The following NREP variants were observed in gnomAD, a reference collection of about 807,000 sequenced individuals.
NREP encodes neuronal regeneration related protein, also known as neuronal regeneration-related protein.
Under a neutral mutation model 8.6 loss-of-function variants are expected in NREP, and 5 were observed. The observed-to-expected ratio is 0.58, with a 90% confidence interval of 0.30 to 1.22. The LOEUF (loss-of-function observed/expected upper bound fraction) is 1.22. Ranked by LOEUF, NREP falls within the 50% of genes most tolerant of loss-of-function variation. NREP has a pLI of 0.07. For synonymous variants in NREP, 27 were observed against 28.0 expected, an observed-to-expected ratio of 0.96 and a Z score of 0.11; for missense variants, 86 against 82.5, an observed-to-expected ratio of 1.04 and a Z score of -0.17.
At chr5:111,823,147 G>A (rs1009634563) in intron 2 of NREP, among the ~76,000 whole-genome samples, 1 of 152,314 alleles carries the variant, frequency 6.6e-6, no homozygotes, top group Admixed American at 6.5e-5. Context: ...AAGAGTGAGA[G>A]GGTAGGGGTC....
At chr5:111,863,622 C>A (rs1307370064) in intron 2 of NREP, among the ~76,000 whole-genome samples, 2 of 151,466 alleles carry the variant, frequency 1.3e-5, no homozygotes, top group African/African-American at 4.9e-5. Flanking sequence ...AAATGGCGGC[C>A]AGAGAAAAAA....
At chr5:111,896,104 G>A (rs1267856693) in intron 2 of NREP, among the ~76,000 whole-genome samples, 1 of 152,134 alleles carries the variant, frequency 6.6e-6, no homozygotes, top group Non-Finnish European at 1.5e-5. Flanking sequence ...CTGTTAAACA[G>A]AATAGATTTC....
At chr5:111,976,415 C>T (rs1756965059) in intron 1 of NREP, among the ~76,000 whole-genome samples, 1 of 152,184 alleles carries the variant, frequency 6.6e-6, no homozygotes, top group African/African-American at 2.4e-5. Flanking sequence ...ACCATGTACC[C>T]CAAAAGCTGA....
chr5:111,937,098 T>A (rs1039095435), intron 2 of NREP, among the ~76,000 whole-genome samples: 2 of 152,122 alleles, frequency 1.3e-5, no homozygotes, highest in Middle Eastern at 3.2e-3. Flanking sequence ...GAACAGCACC[T>A]TTCACCTTCA....
At chr5:111,973,785 C>T (rs1441013025) in intron 2 of NREP, among the ~76,000 whole-genome samples, 1 of 152,154 alleles carries the variant, frequency 6.6e-6, no homozygotes, top group African/African-American at 2.4e-5. Context: ...AATCAAAGCA[C>T]TACATTTTGA....
chr5:111,920,837 T>C (rs554763147), intron 2 of NREP, among the ~76,000 whole-genome samples: 2 of 152,268 alleles, frequency 1.3e-5, no homozygotes, highest in Admixed American at 6.5e-5. Context: ...GCTCTTCTAA[T>C]TGGTACTGCT....
At chr5:111,758,573 T>G (rs564648068), upstream of NREP, among the ~76,000 whole-genome samples, 1 of 152,306 alleles carries the variant, frequency 6.6e-6, no homozygotes, top group South Asian at 2.1e-4. Context: ...TATTTCCTAA[T>G]TAAATTGCCT....
At position 111,872,713 on chromosome 5, in the gene NREP, T is replaced by C. The variant is rs958099261; in HGVS notation, c.135+102561A>G. On this transcript the variant is annotated intron_variant, in intron 2 of 3. Coordinates refer to the NREP transcript ENST00000395634. ...TTCTAATTTATAGGTTTACAAACTG[T>C]GTTGGCCCTGCATACTGGTAACTGC... Among the ~76,000 whole-genome samples the C allele has an allele frequency of 3.9e-5, 6 of 152,316 alleles. 1 individual carries two copies. In the South Asian group the frequency reaches 1.2e-3, roughly 32 times the overall value.
intron 2 of NREP, among the ~76,000 whole-genome samples, chr5:111,820,130 C>CT (rs11372070): frequency 0.66 from 99,883 of 151,934 alleles, 33,300 homozygotes; most frequent in Non-Finnish European, 0.7. Flanking sequence ...GAATCTCCCA[C>CT]TTTGACATCT....
chr5:111,837,484 C>G (rs1348280410), intron 2 of NREP, among the ~76,000 whole-genome samples: 1 of 151,838 alleles, frequency 6.6e-6, no homozygotes, highest in Non-Finnish European at 1.5e-5. Context: ...AAAGAGAAAA[C>G]AAGAAAAAAG....
In NREP at chr5:111,779,608, G is replaced by A. The variant is rs564279510; in HGVS notation, c.136-44101C>T. On this transcript the variant is annotated intron_variant, in intron 2 of 3. Transcript: ENST00000395634. ...GGGGTAAGGGCAGTAGTGAGGACATGACTGTGGAGAAACAAGTGGGAATTT... is the reference window on the plus strand; with the variant it reads ...GGGGTAAGGGCAGTAGTGAGGACATAACTGTGGAGAAACAAGTGGGAATTT... Among the ~76,000 whole-genome samples the A allele has an allele frequency of 5.1e-4, 78 of 152,326 alleles. 1 individual carries two copies. The highest frequency in any genetic ancestry group is 1.8e-3 in the African/African-American group (74 of 41,582).
At chr5:111,866,613 A>G (rs1188878157) in intron 2 of NREP, among the ~76,000 whole-genome samples, 1 of 152,100 alleles carries the variant, frequency 6.6e-6, no homozygotes, top group East Asian at 1.9e-4. Context: ...TAGAACTAGA[A>G]ATACCGTTTG....
At chr5:111,795,673 T>G (rs1479334450) in intron 2 of NREP, among the ~76,000 whole-genome samples, 1 of 152,370 alleles carries the variant, frequency 6.6e-6, no homozygotes, top group Admixed American at 6.5e-5. Flanking sequence ...AACCTATTCA[T>G]GTATAATTAC....
intron 2 of NREP, among the ~76,000 whole-genome samples, chr5:111,946,427 T>C (rs1050812531): frequency 6.6e-6 from 1 of 152,064 alleles, no homozygotes; most frequent in Non-Finnish European, 1.5e-5. Context: ...TCATGTTAAA[T>C]ATTGTTTGAT....
chr5:111,801,856 G>C (rs564517738), intron 2 of NREP, among the ~76,000 whole-genome samples: 1 of 152,244 alleles, frequency 6.6e-6, no homozygotes, highest in African/African-American at 2.4e-5. Flanking sequence ...CAGATCATGG[G>C]AAAGGAGGAA....
intron 2 of NREP, among the ~76,000 whole-genome samples, chr5:111,931,389 T>C (rs886214411): frequency 3.3e-5 from 5 of 152,114 alleles, no homozygotes; most frequent in African/African-American, 1.2e-4. Flanking sequence ...TGTCATGTCA[T>C]GAGGACACCC....
chr5:111,849,436 T>C (rs2112958977), intron 2 of NREP, among the ~76,000 whole-genome samples: 1 of 152,280 alleles, frequency 6.6e-6, no homozygotes, highest in Middle Eastern at 3.4e-3. Context: ...ATCTTAGCTA[T>C]GTTTAAAGTT....
rs536434189 is a variant in NREP, at chr5:111,887,748, C to T, written c.135+87526G>A. ...AAACTCGAACTTTAAAAAGTGCTGA[C>T]GTGTCCATGGGCATTGCTGTTGAGA... On this transcript the variant is annotated intron_variant, in intron 2 of 3. Transcript: ENST00000395634. Among the ~76,000 whole-genome samples the T allele has an allele frequency of 1.8e-4, 27 of 152,248 alleles. No individual in the cohort carries two copies. The South Asian group carries it at 5.0e-3, about 28-fold the overall frequency.
chr5:111,920,831 T>C lies in NREP; in HGVS notation c.135+54443A>G, dbSNP rs568934714. ...GGATGTGCCTGGTTCAAGGTAGCTCTTCTAATTGGTACTGCTGAAAGCAGT... is the reference window on the plus strand; with the variant it reads ...GGATGTGCCTGGTTCAAGGTAGCTCCTCTAATTGGTACTGCTGAAAGCAGT... On this transcript the variant is annotated intron_variant, in intron 2 of 3. Transcript: ENST00000395634. Among the ~76,000 whole-genome samples, 111 of 152,282 alleles carry C rather than the reference T, an allele frequency of 7.3e-4. 1 individual carries two copies. The highest frequency in any genetic ancestry group is 2.1e-4 in the Non-Finnish European group (14 of 68,014).
Sources: gnomAD v4.1 joint callset for allele counts (sites outside exome capture counted in the v4.1 genomes callset) on GRCh38, gnomAD v4.1.1 for gene constraint, MANE v1.5 for transcripts, NCBI Gene and HGNC (gene_info 2026-07-23, HGNC 2026-07-21) for gene names.